NRBF2: variants seen among roughly 807,000 people sequenced by gnomAD.
The protein encoded by NRBF2 is nuclear receptor binding factor 2.
In NRBF2, 12 loss-of-function variants were observed where a neutral mutation model predicts 28.5. The ratio of observed to expected loss-of-function variants is 0.42; its 90% CI spans 0.27 to 0.68. NRBF2 has a LOEUF of 0.68. NRBF2 is among the 30% of genes least tolerant of loss of function. NRBF2 has a pLI of 0.24. For missense variants in NRBF2, 274 were observed against 333.5 expected, an observed-to-expected ratio of 0.82 and a Z score of 1.39; for synonymous variants, 102 against 116.5, an observed-to-expected ratio of 0.88 and a Z score of 0.80.
At chr10:63,139,454 A>G (rs1263416844) in intron 1 of NRBF2, among the ~76,000 whole-genome samples, 1 of 152,230 alleles carries the variant, frequency 6.6e-6, no homozygotes, top group African/African-American at 2.4e-5. Flanking sequence ...TGTGGAAGTA[A>G]AAGGTACTTG....
intron 1 of NRBF2, among the ~76,000 whole-genome samples, chr10:63,145,101 CTTTTTTTTTT>C (rs34823556): frequency 3.5e-5 from 3 of 85,910 alleles, no homozygotes; most frequent in Non-Finnish European, 6.2e-5. Context: ...TATATTAAAG[CTTTTTTTTTT>C]TTTTTTTTTT....
chr10:63,138,911 G>T (rs933442597), intron 1 of NRBF2, among the ~76,000 whole-genome samples: 1 of 152,164 alleles, frequency 6.6e-6, no homozygotes, highest in Non-Finnish European at 1.5e-5. Context: ...AGTGAGTGAG[G>T]TTTCTCTTTC....
At chr10:63,140,043 TAGG>T (rs151077490) in intron 1 of NRBF2, among the ~76,000 whole-genome samples, 5,303 of 151,856 alleles carry the variant, frequency 0.035, 284 homozygotes, top group East Asian at 0.26. Context: ...GAGGCTGAGA[TAGG>T]AGGATCACTT....
chr10:63,147,611 C>CTTTT (rs56136949), intron 2 of NRBF2, among the ~76,000 whole-genome samples: 1 of 134,142 alleles, frequency 7.5e-6, no homozygotes, highest in Non-Finnish European at 1.6e-5. Context: ...TGCTCTCAGC[C>CTTTT]TTTTTTTTTT....
chr10:63,147,477 C>T (rs1464378297), intron 2 of NRBF2, among the ~76,000 whole-genome samples: 1 of 151,996 alleles, frequency 6.6e-6, no homozygotes, highest in Non-Finnish European at 1.5e-5. Context: ...TGTGCCACCA[C>T]CCCCGGCTTG....
intron 1 of NRBF2, 72 bp downstream of exon 1, chr10:63,133,572 C>T (rs1245231399): frequency 1.7e-6 from 2 of 1,168,866 alleles, no homozygotes; most frequent in Non-Finnish European, 1.3e-6. Flanking sequence ...GTCCCCGGCG[C>T]GTCGGCTAAC....
rs147974210 is a variant in NRBF2, at chr10:63,149,600, A to T, written c.116-2550A>T. 3.3e-3 allele frequency among the ~76,000 whole-genome samples: 497 copies of T among 152,302 alleles called. 3 individuals carry two copies. Among genetic ancestry groups the T allele is most frequent in the African/African-American group, 0.012 (481 of 41,556 alleles). On this transcript the variant is annotated intron_variant, in intron 2 of 3. Coordinates refer to ENST00000277746, the MANE Select transcript of NRBF2 (RefSeq NM_030759.5). ...TGAACATGGAATCAGATTTAAAATA[A>T]TTTTTTTCTTTAAAAATAACTTTAA...
chr10:63,149,624 A>G (rs560717061), intron 2 of NRBF2, among the ~76,000 whole-genome samples: 1 of 152,342 alleles, frequency 6.6e-6, no homozygotes, highest in South Asian at 2.1e-4. Context: ...AAATAACTTT[A>G]AAATGCCCCA....
chr10:63,148,663 C>A (rs1016254132), intron 2 of NRBF2, among the ~76,000 whole-genome samples: 5 of 152,152 alleles, frequency 3.3e-5, no homozygotes, highest in African/African-American at 1.2e-4. Flanking sequence ...GACTTTATAG[C>A]CTCTTTGTAG....
intron 2 of NRBF2, among the ~76,000 whole-genome samples, chr10:63,146,969 T>C (rs1188251709): frequency 4.6e-5 from 7 of 152,194 alleles, no homozygotes; most frequent in Non-Finnish European, 8.8e-5. Flanking sequence ...CCAGTTTCTG[T>C]TGGCTGAGTA....
chr10:63,150,732 A>G (rs1841634849), intron 2 of NRBF2, among the ~76,000 whole-genome samples: 1 of 152,166 alleles, frequency 6.6e-6, no homozygotes, highest in Non-Finnish European at 1.5e-5. Context: ...TAATTATACA[A>G]CTCAACATAA....
At chr10:63,147,636 T>C (rs1841583814) in intron 2 of NRBF2, among the ~76,000 whole-genome samples, 1 of 149,650 alleles carries the variant, frequency 6.7e-6, no homozygotes, top group Non-Finnish European at 1.5e-5. Context: ...TTTTAAGTTC[T>C]GGGGTACATG....
At position 63,133,485 on chromosome 10, in the gene NRBF2, A is replaced by AGGAC. The variant is rs1282656423; in HGVS notation, c.16_19dup (p.Pro7ArgfsTer38). ...CCCCGGGGTCTATGGAAGTAATGGA[A>AGGAC]GGACCCCTCAACCTGGTGAGTGTCC... On this transcript the variant is annotated frameshift_variant, in exon 1 of 4. Transcript: ENST00000277746. LOFTEE classifies it high-confidence loss of function. 6.2e-7 allele frequency: 1 copy of AGGAC among 1,611,202 alleles called. No individual in the cohort carries two copies. The highest frequency in any genetic ancestry group is 2.2e-5 in the East Asian group (1 of 44,510).
rs781293012 is a variant in NRBF2, at chr10:63,142,780, C to CTTTTTTTTTTTTTTTTTTTTTTTTTTT, written c.31-3409_31-3408insTTTTTTTTTTTTTTTTTTTTTTTTTTT. ...AGTCATTTCTTTTCTTTCTTTCTTT[C>CTTTTTTTTTTTTTTTTTTTTTTTTTTT]TTTTTTTTTTTTTTTTTTTTGAGGC... On this transcript the variant is annotated intron_variant, in intron 1 of 3. Coordinates refer to ENST00000277746, the MANE Select transcript of NRBF2 (RefSeq NM_030759.5). Among the ~76,000 whole-genome samples, 46 of 74,890 alleles carry CTTTTTTTTTTTTTTTTTTTTTTTTTTT rather than the reference C, an allele frequency of 6.1e-4. 1 individual carries two copies. The highest frequency in any genetic ancestry group is 8.8e-4 in the African/African-American group (15 of 17,112). The allele number at this position is 74,890 out of a possible 152,430, so 49.1% of individuals were successfully genotyped here. A position where few individuals can be genotyped will look rare whatever the true frequency, so the allele number is the denominator to read the frequency against.
intron 3 of NRBF2, among the ~76,000 whole-genome samples, chr10:63,152,512 G>A (rs773360635): frequency 2.0e-4 from 30 of 152,186 alleles, no homozygotes; most frequent in Non-Finnish European, 4.1e-4. Context: ...CTTACAGTCA[G>A]TAAACAGGCC....
rs1179335728 is a variant in NRBF2, at chr10:63,154,186, G to T, written c.832G>T (p.Glu278Ter). Residue 278 changes from glutamate to a stop codon, truncating the protein, a stop_gained, in exon 4 of 4, where the codon GAG (glutamate) becomes TAG (stop). Transcript: ENST00000277746. LOFTEE classifies it high-confidence loss of function. ...AGAACTTCCTCTTATGGAGCTCTCT[G>T]AGGATATTCTGAAAGGATTTATGAA... is the stretch of plus-strand genomic sequence containing the variant. Reference protein sequence around the residue: ...SPELPLMELSEDILKGFMNN With the variant: ...SPELPLMELS 6.2e-7 allele frequency: 1 copy of T among 1,600,940 alleles called. No homozygotes were observed. Among genetic ancestry groups the T allele is most frequent in the Non-Finnish European group, 8.5e-7 (1 of 1,171,600 alleles).
chr10:63,150,030 C>T (rs777935739), intron 2 of NRBF2, among the ~76,000 whole-genome samples: 3 of 151,328 alleles, frequency 2.0e-5, no homozygotes, highest in Non-Finnish European at 4.4e-5. Flanking sequence ...CAACCTCCAC[C>T]TCATGGGTTC....
At chr10:63,145,508 C>A (rs1328368756) in intron 1 of NRBF2, among the ~76,000 whole-genome samples, 1 of 152,234 alleles carries the variant, frequency 6.6e-6, no homozygotes, top group Non-Finnish European at 1.5e-5. Context: ...TGTGCCTGGA[C>A]TTAAAGCTCT....
chr10:63,148,886 A>G (rs1165585145), intron 2 of NRBF2, among the ~76,000 whole-genome samples: 1 of 152,240 alleles, frequency 6.6e-6, no homozygotes, highest in Non-Finnish European at 1.5e-5. Context: ...AGCCATTGGC[A>G]GTGCTTAGAA....
Sources: allele counts gnomAD v4.1 joint callset (sites outside exome capture counted in the v4.1 genomes callset), GRCh38; gene constraint gnomAD v4.1.1; transcripts MANE v1.5; gene names NCBI Gene and HGNC (gene_info 2026-07-23, HGNC 2026-07-21).